Variants in AKAP6 observed in about 807,000 individuals in gnomAD.
AKAP6 encodes the protein A-kinase anchoring protein 6.
In AKAP6, 58 loss-of-function variants were observed where a neutral mutation model predicts 188.5. The observed-to-expected ratio is 0.31, with a 90% CI of 0.25 to 0.38. AKAP6 has a LOEUF of 0.38. Ranked by LOEUF, AKAP6 falls within the 10% of genes least tolerant of loss-of-function variation. The pLI is 1.00. For missense variants in AKAP6, 2,710 were observed against 2,740.0 expected (o/e 0.99, Z 0.24); for synonymous variants, 989 against 998.6 (o/e 0.99, Z 0.18).
rs938975670 is a variant in AKAP6, at chr14:32,832,984, G to A, written c.*3179G>A. On this transcript the variant is annotated 3_prime_UTR_variant, in exon 14 of 14. Transcript: ENST00000280979. ...GAAAAGAATCTGAACATTTAAGTGC[G>A]AAGTTTTCTCTAGAAATATATTCAA... The A allele has an allele frequency of 1.3e-5, 2 of 152,540 alleles. No homozygotes were observed. The highest frequency in any genetic ancestry group is 2.4e-5 in the African/African-American group (1 of 41,424). The allele number at this position is 152,540 out of a possible 1,614,324, so 9.4% of individuals were successfully genotyped here.
chr14:32,570,037 T>C (rs1242987952), intron 4 of AKAP6, among the ~76,000 whole-genome samples: 3 of 151,996 alleles, frequency 2.0e-5, no homozygotes, highest in Admixed American at 6.6e-5. Flanking sequence ...TGCTGTCTCA[T>C]TGACCATGTG....
chr14:32,714,589 T>C (rs989856113), intron 9 of AKAP6, among the ~76,000 whole-genome samples: 1 of 152,064 alleles, frequency 6.6e-6, no homozygotes, highest in African/African-American at 2.4e-5. Flanking sequence ...ATAACTTCCA[T>C]TGGATTCTCT....
At chr14:32,768,328 T>C (rs1227678199) in intron 11 of AKAP6, among the ~76,000 whole-genome samples, 2 of 152,216 alleles carry the variant, frequency 1.3e-5, no homozygotes, top group East Asian at 3.8e-4. Flanking sequence ...GTGTGCTTTC[T>C]GGGAGCAGAG....
intron 7 of AKAP6, among the ~76,000 whole-genome samples, chr14:32,665,634 C>A (rs1391494694): frequency 2.6e-5 from 4 of 152,048 alleles, no homozygotes; most frequent in African/African-American, 9.7e-5. Flanking sequence ...GGGACCCTCT[C>A]ATGGGAGAGT....
At position 32,535,408 on chromosome 14, in the gene AKAP6, A is replaced by T. The variant is rs192952693; in HGVS notation, c.325-146A>T. Reference sequence around the variant, plus strand: ...AATATGGCCTGCAACTGGGTATCTGAACTAAAACAAAGGCCCCAGGTATCC... The same window carrying T: ...AATATGGCCTGCAACTGGGTATCTGTACTAAAACAAAGGCCCCAGGTATCC... On this transcript the variant is annotated intron_variant, in intron 2 of 13. Coordinates refer to ENST00000280979, the MANE Select transcript of AKAP6 (RefSeq NM_004274.5). 1.3e-3 allele frequency: 1,179 copies of T among 924,450 alleles called. 4 individuals carry two copies. Among genetic ancestry groups the T allele is most frequent in the Non-Finnish European group, 1.7e-3 (1,059 of 614,180 alleles). 57.3% of individuals were successfully genotyped at this position (924,450 alleles called of 1,614,324 possible).
chr14:32,412,861 G>C (rs1889532320), intron 1 of AKAP6, among the ~76,000 whole-genome samples: 1 of 152,130 alleles, frequency 6.6e-6, no homozygotes. Flanking sequence ...AAATACAAAT[G>C]CCTTTGGTTA....
chr14:32,543,468 C>A (rs538671358), intron 3 of AKAP6, among the ~76,000 whole-genome samples: 1 of 152,248 alleles, frequency 6.6e-6, no homozygotes, highest in South Asian at 2.1e-4. Context: ...GAGGTTGATT[C>A]CATATCTTGG....
rs193200621 is a variant in AKAP6 at position 32,704,245 on chromosome 14, A to G, written c.3000+8135A>G. Among the ~76,000 whole-genome samples, 10 of 152,314 alleles carry G rather than the reference A, an allele frequency of 6.6e-5. No homozygotes were observed. The East Asian group carries it at 1.9e-3, about 29-fold the overall frequency. On this transcript the variant is annotated intron_variant, in intron 9 of 13. Coordinates refer to ENST00000280979, the MANE Select transcript of AKAP6 (RefSeq NM_004274.5). ...ATCAGGATAATAATTAGAGTTTGCTAATAAAATTTTGGATTAAGTTGCAAA... is the reference window on the plus strand; with the variant it reads ...ATCAGGATAATAATTAGAGTTTGCTGATAAAATTTTGGATTAAGTTGCAAA...
chr14:32,783,370 G>A (rs2033309408), intron 12 of AKAP6, among the ~76,000 whole-genome samples: 1 of 152,140 alleles, frequency 6.6e-6, no homozygotes, highest in South Asian at 2.1e-4. Context: ...TTTTGGGAGT[G>A]ATAGAAATAT....
chr14:32,674,734 G>A (rs943529444), intron 7 of AKAP6, among the ~76,000 whole-genome samples: 1 of 152,174 alleles, frequency 6.6e-6, no homozygotes, highest in Non-Finnish European at 1.5e-5. Flanking sequence ...GTGATTGGAG[G>A]TGATTGGTTG....
chr14:32,825,795 C>T (rs965287064), intron 13 of AKAP6, among the ~76,000 whole-genome samples: 5 of 152,066 alleles, frequency 3.3e-5, no homozygotes, highest in African/African-American at 1.2e-4. Flanking sequence ...AGCTTAATGC[C>T]GTCACCTAAA....
chr14:32,416,132 A>C (rs1957003), intron 1 of AKAP6, among the ~76,000 whole-genome samples: 142,770 of 152,280 alleles, frequency 0.94, 67,492 homozygotes, highest in East Asian at 1. Flanking sequence ...CTGTTTTCTA[A>C]AGTAGCTGTA....
chr14:32,508,684 A>G (rs1201835609), intron 2 of AKAP6, among the ~76,000 whole-genome samples: 2 of 152,224 alleles, frequency 1.3e-5, no homozygotes, highest in East Asian at 3.8e-4. Context: ...ACTTATTTAC[A>G]TGGGAGACTA....
At chr14:32,350,915 G>A (rs1318010130) in intron 1 of AKAP6, among the ~76,000 whole-genome samples, 1 of 152,038 alleles carries the variant, frequency 6.6e-6, no homozygotes, top group East Asian at 1.9e-4. Flanking sequence ...CAGGTAAATA[G>A]CTTAACAATT....
intron 2 of AKAP6, among the ~76,000 whole-genome samples, chr14:32,530,815 A>T (rs1466333034): frequency 6.6e-6 from 1 of 152,210 alleles, no homozygotes; most frequent in Non-Finnish European, 1.5e-5. Flanking sequence ...ACAATGAAAA[A>T]GTGTACAATA....
chr14:32,824,439 A>T lies in AKAP6; in HGVS notation c.6626A>T (p.Asp2209Val). 1 of 1,613,950 alleles carries T rather than the reference A, an allele frequency of 6.2e-7. No individual in the cohort carries two copies. The highest frequency in any genetic ancestry group is 1.6e-4 in the Middle Eastern group (1 of 6,062). Residue 2209 changes from aspartate (D) to valine (V), a missense_variant, in exon 13 of 14, where the codon GAT becomes GTT. Coordinates refer to ENST00000280979, the MANE Select transcript of AKAP6 (RefSeq NM_004274.5). ...SDSSLSADDA[D>V]TVALSSPSSQ... ...AGTTCTCTTTCAGCTGATGATGCAG[A>T]TACAGTGGCTCTTTCAAGTCCTTCC...
chr14:32,498,624 T>G (rs1880447209), intron 2 of AKAP6, among the ~76,000 whole-genome samples: 1 of 152,134 alleles, frequency 6.6e-6, no homozygotes, highest in South Asian at 2.1e-4. Context: ...ATTGAGGCTT[T>G]CCTGTAGGTC....
At chr14:32,500,035 A>G (rs1880528896) in intron 2 of AKAP6, among the ~76,000 whole-genome samples, 1 of 152,168 alleles carries the variant, frequency 6.6e-6, no homozygotes, top group Non-Finnish European at 1.5e-5. Flanking sequence ...ATTGTAATTG[A>G]TATGTCTAAG....
At chr14:32,465,453 A>T (rs1335708168) in intron 2 of AKAP6, among the ~76,000 whole-genome samples, 1 of 152,172 alleles carries the variant, frequency 6.6e-6, no homozygotes, top group African/African-American at 2.4e-5. Flanking sequence ...CAACCAACTG[A>T]TCTTCGACAA....
Sources: gnomAD v4.1 joint callset for allele counts (sites outside exome capture counted in the v4.1 genomes callset) on GRCh38, gnomAD v4.1.1 for gene constraint, MANE v1.5 for transcripts, NCBI Gene and HGNC (gene_info 2026-07-23, HGNC 2026-07-21) for gene names.